TNIK: variants seen among roughly 807,000 people sequenced by gnomAD.
The protein encoded by TNIK is TRAF2 and NCK-interacting protein kinase.
In TNIK, 49 loss-of-function variants were observed where a neutral mutation model predicts 191.3. The ratio of observed to expected loss-of-function variants is 0.26; its 90% CI spans 0.20 to 0.32. The LOEUF is 0.32. TNIK is among the 10% of genes least tolerant of loss of function. TNIK has a pLI of 1.00. For missense variants in TNIK, 1,155 were observed against 1,702.3 expected (o/e 0.68, Z 5.66); for synonymous variants, 594 against 600.9 (o/e 0.99, Z 0.17).
At chr3:171,133,434 A>AAAT (rs1264792827) in intron 15 of TNIK, among the ~76,000 whole-genome samples, 1 of 152,262 alleles carries the variant, frequency 6.6e-6, no homozygotes, top group Non-Finnish European at 1.5e-5. Flanking sequence ...CTTGGAAACA[A>AAAT]AATAGGAATA....
intron 4 of TNIK, among the ~76,000 whole-genome samples, chr3:171,204,031 T>C (rs1254587453): frequency 6.6e-6 from 1 of 152,240 alleles, no homozygotes; most frequent in Admixed American, 6.5e-5. Flanking sequence ...CACATTGTAA[T>C]TTTTGAGAAA....
At chr3:171,443,102 G>A (rs745357226) in intron 1 of TNIK, among the ~76,000 whole-genome samples, 2 of 152,174 alleles carry the variant, frequency 1.3e-5, no homozygotes, top group African/African-American at 2.4e-5. Context: ...AAAGAAAACT[G>A]AGTACTCTCT....
chr3:171,219,063 T>TAAAATATA (rs1560278658), intron 3 of TNIK, among the ~76,000 whole-genome samples: 1 of 51,964 alleles, frequency 1.9e-5, no homozygotes, highest in Admixed American at 2.0e-4. Context: ...ATATAATATA[T>TAAAATATA]TAAATATATA....
rs762760667 is a variant in TNIK, at chr3:171,126,043, C to T, written c.1882G>A (p.Val628Met). The stretch of plus-strand genomic sequence containing the variant: ...GGCATCTCCACGCGGTGGGAGGTCA[C>T]GTTCAGAGCCTCCTGAAACCCAGAG... ...GLSGFQEALN[V>M]TSHRVEMPRQ... The change falls in exon 17 of 33, where the codon GTG becomes ATG. Residue 628 changes from valine (V) to methionine (M), a missense_variant. Transcript: ENST00000436636. 7.4e-6 allele frequency: 12 copies of T among 1,613,616 alleles called. No individual in the cohort carries two copies. In the Admixed American group the frequency reaches 1.5e-4, roughly 20 times the overall value.
intron 15 of TNIK, among the ~76,000 whole-genome samples, chr3:171,130,352 C>G (rs1378588554): frequency 6.6e-6 from 1 of 152,170 alleles, no homozygotes; most frequent in East Asian, 1.9e-4. Context: ...AACATCTCTT[C>G]CCCCACCATG....
chr3:171,131,213 C>CGGT lies in TNIK; in HGVS notation c.1609-2338_1609-2336dup, dbSNP rs540054414. Among the ~76,000 whole-genome samples, 495 of 150,952 alleles carry CGGT rather than the reference C, an allele frequency of 3.3e-3. 9 individuals are homozygous for CGGT. The East Asian group carries it at 0.048, about 15-fold the overall frequency. On this transcript the variant is annotated intron_variant, in intron 15 of 32. Coordinates refer to ENST00000436636, the MANE Select transcript of TNIK (RefSeq NM_015028.4). ...ATTAGCCGGGCGTGGTAGCGGGCGC[C>CGGT]GGTAGTCCCAGCTACTCGGGAGGCT...
intron 1 of TNIK, among the ~76,000 whole-genome samples, chr3:171,440,384 G>C (rs1162333091): frequency 6.6e-6 from 1 of 152,066 alleles, no homozygotes; most frequent in African/African-American, 2.4e-5. Flanking sequence ...ATTACAATTT[G>C]AAAAACACCT....
At chr3:171,322,834 CTT>C in intron 2 of TNIK, among the ~76,000 whole-genome samples, 1 of 109,020 alleles carries the variant, frequency 9.2e-6, no homozygotes, top group South Asian at 3.0e-4. Flanking sequence ...TTGTTGTTTT[CTT>C]TTCTTTTTTT....
intron 29 of TNIK, among the ~76,000 whole-genome samples, chr3:171,070,533 C>A (rs187598309): frequency 4.6e-5 from 7 of 152,038 alleles, no homozygotes; most frequent in Admixed American, 4.6e-4. Context: ...ATAGGTTATG[C>A]GGCTCTGAAC....
At chr3:171,435,045 T>C (rs779831683) in intron 1 of TNIK, among the ~76,000 whole-genome samples, 13 of 152,198 alleles carry the variant, frequency 8.5e-5, no homozygotes, top group Non-Finnish European at 1.8e-4. Flanking sequence ...CTCAATAATG[T>C]AGGGACCTGA....
chr3:171,103,841 G>A (rs190227203), intron 21 of TNIK, among the ~76,000 whole-genome samples: 2 of 151,768 alleles, frequency 1.3e-5, no homozygotes, highest in African/African-American at 2.4e-5. Flanking sequence ...ATTTCAAAAC[G>A]AGACAAAAGA....
intron 2 of TNIK, among the ~76,000 whole-genome samples, chr3:171,322,460 C>T (rs954362833): frequency 6.6e-6 from 1 of 152,064 alleles, no homozygotes; most frequent in Admixed American, 6.5e-5. Context: ...TTAGTAAATA[C>T]CTTTCAGAAC....
rs117155843 is a variant in TNIK at position 171,251,179 on chromosome 3, G to A, written c.124-22958C>T. On this transcript the variant is annotated intron_variant, in intron 2 of 32. Coordinates refer to ENST00000436636, the MANE Select transcript of TNIK (RefSeq NM_015028.4). ...CATGTTGGAACCTGCCTGTGGTCTG[G>A]GAAGAACAGCAGATACAGACAGCAG... Among the ~76,000 whole-genome samples the A allele has an allele frequency of 7.4e-4, 113 of 152,262 alleles. 2 individuals carry two copies. The East Asian group carries it at 0.017, about 23-fold the overall frequency.
intron 1 of TNIK, among the ~76,000 whole-genome samples, chr3:171,404,129 G>A (rs963645469): frequency 6.6e-6 from 1 of 152,196 alleles, no homozygotes; most frequent in African/African-American, 2.4e-5. Context: ...CCATATAAGT[G>A]TATAGAAATC....
chr3:171,354,001 C>T (rs1004367260), intron 2 of TNIK, among the ~76,000 whole-genome samples: 4 of 152,036 alleles, frequency 2.6e-5, no homozygotes, highest in African/African-American at 9.7e-5. Context: ...TGCCATTATT[C>T]TAGCAAAATC....
chr3:171,317,168 A>G (rs1754726735), intron 2 of TNIK, among the ~76,000 whole-genome samples: 1 of 152,096 alleles, frequency 6.6e-6, no homozygotes, highest in Non-Finnish European at 1.5e-5. Context: ...AAGTAATAAC[A>G]AGGACTTTCA....
intron 2 of TNIK, among the ~76,000 whole-genome samples, chr3:171,349,409 G>T (rs186573544): frequency 1.2e-4 from 18 of 152,288 alleles, no homozygotes; most frequent in African/African-American, 4.3e-4. Context: ...GCAGATGATT[G>T]ATAAAGATTC....
intron 3 of TNIK, among the ~76,000 whole-genome samples, chr3:171,212,581 C>A (rs1740970279): frequency 6.6e-6 from 1 of 152,182 alleles, no homozygotes; most frequent in South Asian, 2.1e-4. Flanking sequence ...CATCATGTAT[C>A]TTTTCCTTTG....
intron 2 of TNIK, among the ~76,000 whole-genome samples, chr3:171,298,668 C>G (rs1282741541): frequency 6.6e-6 from 1 of 152,092 alleles, no homozygotes; most frequent in African/African-American, 2.4e-5. Flanking sequence ...GGCCTGGGTC[C>G]CTGAATGACT....
Sources: gnomAD v4.1 joint callset for allele counts (sites outside exome capture counted in the v4.1 genomes callset) on GRCh38, gnomAD v4.1.1 for gene constraint, MANE v1.5 for transcripts, NCBI Gene and HGNC (gene_info 2026-07-23, HGNC 2026-07-21) for gene names.